Variants in PLEKHA5 observed in about 807,000 individuals in gnomAD.
The protein encoded by PLEKHA5 is pleckstrin homology domain-containing family A member 5.
PLEKHA5 carries 55 observed loss-of-function variants against 181.9 expected under a neutral mutation model. That is an observed-to-expected ratio of 0.30 (90% CI 0.24 to 0.38). The LOEUF is 0.38. Ranked by LOEUF, PLEKHA5 falls within the 10% of genes least tolerant of loss-of-function variation. PLEKHA5 has a pLI of 1.00. For missense variants in PLEKHA5, 1,432 were observed against 1,549.5 expected, an observed-to-expected ratio of 0.92 and a Z score of 1.27; for synonymous variants, 535 against 529.4, an observed-to-expected ratio of 1.01 and a Z score of -0.15.
chr12:19,355,264 T>A, intron 26 of PLEKHA5, among the ~76,000 whole-genome samples: 1 of 151,838 alleles, frequency 6.6e-6, no homozygotes. Context: ...CTTATCTTTA[T>A]CAATACTCTA....
intron 5 of PLEKHA5, among the ~76,000 whole-genome samples, chr12:19,257,213 G>A (rs1380110739): frequency 3.3e-5 from 5 of 152,094 alleles, no homozygotes; most frequent in Non-Finnish European, 4.4e-5. Context: ...AGGAAAGATT[G>A]TAAAACTTGT....
intron 3 of PLEKHA5, among the ~76,000 whole-genome samples, chr12:19,215,176 CA>C (rs57615722): frequency 2.0e-4 from 28 of 143,014 alleles, no homozygotes; most frequent in South Asian, 8.9e-4. Context: ...GATTCCGTCT[CA>C]AAAAAAAAAA....
At chr12:19,331,411 C>T (rs2092817620) in intron 20 of PLEKHA5, among the ~76,000 whole-genome samples, 1 of 151,856 alleles carries the variant, frequency 6.6e-6, no homozygotes, top group Non-Finnish European at 1.5e-5. Flanking sequence ...CCTATGTTGC[C>T]CAGGCTGGTC....
At chr12:19,349,563 A>G (rs776263846) in intron 25 of PLEKHA5, among the ~76,000 whole-genome samples, 7 of 152,106 alleles carry the variant, frequency 4.6e-5, no homozygotes, top group Non-Finnish European at 8.8e-5. Flanking sequence ...TCATTTTTCT[A>G]GAAGGCAATT....
At chr12:19,354,488 T>G (rs1364022313) in intron 26 of PLEKHA5, among the ~76,000 whole-genome samples, 4 of 143,942 alleles carry the variant, frequency 2.8e-5, no homozygotes, top group Admixed American at 7.0e-5. Flanking sequence ...AAAAATTGTT[T>G]TTTTTTTTTT....
At chr12:19,301,971 T>C (rs898048188) in intron 15 of PLEKHA5, among the ~76,000 whole-genome samples, 3 of 152,116 alleles carry the variant, frequency 2.0e-5, no homozygotes, top group Admixed American at 1.3e-4. Context: ...AATGACCTAT[T>C]TATAAAGACC....
At chr12:19,142,715 TATACA>T (rs2037765114) in intron 3 of PLEKHA5, among the ~76,000 whole-genome samples, 1 of 152,192 alleles carries the variant, frequency 6.6e-6, no homozygotes, top group African/African-American at 2.4e-5. Context: ...AAATTTCCAG[TATACA>T]ATACATTATC....
At chr12:19,200,718 A>T (rs2053992031) in intron 3 of PLEKHA5, 1 of 992,052 alleles carries the variant, frequency 1.0e-6, no homozygotes, top group South Asian at 4.6e-5. Context: ...CAAGGAAGGA[A>T]TTTTGACAGA....
chr12:19,369,124 T>C (rs2095511526), intron 30 of PLEKHA5, among the ~76,000 whole-genome samples: 1 of 152,038 alleles, frequency 6.6e-6, no homozygotes, highest in South Asian at 2.1e-4. Context: ...AGCCTCTGGC[T>C]CTTGGGTTCA....
chr12:19,191,274 G>C (rs1364123188), intron 3 of PLEKHA5, among the ~76,000 whole-genome samples: 1 of 152,208 alleles, frequency 6.6e-6, no homozygotes, highest in Non-Finnish European at 1.5e-5. Context: ...ACATGGGCAA[G>C]AATGGGAGTG....
chr12:19,322,416 C>A, intron 19 of PLEKHA5, 26 bp downstream of exon 19: 1 of 1,575,490 alleles, frequency 6.3e-7, no homozygotes, highest in Non-Finnish European at 8.7e-7. Context: ...TTATTGTCTA[C>A]AATTGATGTT....
At chr12:19,340,381 C>G (rs1404299975) in intron 21 of PLEKHA5, among the ~76,000 whole-genome samples, 22 of 144,742 alleles carry the variant, frequency 1.5e-4, no homozygotes, top group African/African-American at 5.2e-4. Flanking sequence ...GGTCAGCCCC[C>G]CGCCCGGCCA....
intron 15 of PLEKHA5, among the ~76,000 whole-genome samples, chr12:19,300,862 C>T (rs918949152): frequency 4.0e-5 from 6 of 151,206 alleles, no homozygotes; most frequent in Non-Finnish European, 7.4e-5. Context: ...TGGACGGGTG[C>T]GGTGGCTCAC....
At chr12:19,348,175 A>G (rs1312769442) in intron 24 of PLEKHA5, among the ~76,000 whole-genome samples, 2 of 151,998 alleles carry the variant, frequency 1.3e-5, no homozygotes, top group African/African-American at 4.8e-5. Context: ...GAGCCACTGC[A>G]CCCGGCCAGA....
At chr12:19,349,518 T>A (rs1279128829) in intron 25 of PLEKHA5, among the ~76,000 whole-genome samples, 1 of 152,170 alleles carries the variant, frequency 6.6e-6, no homozygotes, top group Admixed American at 6.5e-5. Flanking sequence ...ATAATATTTC[T>A]GTAATGTATA....
chr12:19,140,861 T>A (rs1234155647), intron 3 of PLEKHA5, among the ~76,000 whole-genome samples: 11 of 152,214 alleles, frequency 7.2e-5, no homozygotes, highest in Non-Finnish European at 5.9e-5. Context: ...CAGTCTCGGT[T>A]CACTGCAACC....
At chr12:19,322,099 T>C (rs2091015333) in intron 18 of PLEKHA5, among the ~76,000 whole-genome samples, 1 of 152,190 alleles carries the variant, frequency 6.6e-6, no homozygotes, top group South Asian at 2.1e-4. Flanking sequence ...GTAAGCATTT[T>C]AATTAAGGAC....
chr12:19,331,741 G>A (rs1191429721), intron 20 of PLEKHA5, among the ~76,000 whole-genome samples: 1 of 152,030 alleles, frequency 6.6e-6, no homozygotes, highest in Non-Finnish European at 1.5e-5. Context: ...AAAAAATCTT[G>A]GCCGGGCCTG....
chr12:19,302,685 C>T (rs1328551468), intron 15 of PLEKHA5, among the ~76,000 whole-genome samples: 2 of 152,030 alleles, frequency 1.3e-5, no homozygotes. Context: ...ATGTGAGCCA[C>T]CACCCCCAGC....
Sources: gnomAD v4.1 joint callset for allele counts (sites outside exome capture counted in the v4.1 genomes callset) on GRCh38, gnomAD v4.1.1 for gene constraint, MANE v1.5 for transcripts, NCBI Gene and HGNC (gene_info 2026-07-23, HGNC 2026-07-21) for gene names.